The following GNAO1 variants were observed in gnomAD, a reference collection of about 807,000 sequenced individuals.
The protein encoded by GNAO1 is guanine nucleotide-binding protein G(o) subunit alpha.
For missense variants in GNAO1, 166 were observed against 478.7 expected, an observed-to-expected ratio of 0.35 and a Z score of 6.10; for synonymous variants, 164 against 180.7, an observed-to-expected ratio of 0.91 and a Z score of 0.74.
intron 2 of GNAO1, among the ~76,000 whole-genome samples, chr16:56,206,923 TC>T (rs1235160820): frequency 2.0e-5 from 3 of 152,222 alleles, no homozygotes; most frequent in Non-Finnish European, 4.4e-5. Context: ...TGATGTGTGT[TC>T]CTAGTTTTCC....
chr16:56,213,777 C>T (rs144113000), intron 2 of GNAO1, among the ~76,000 whole-genome samples: 319 of 152,182 alleles, frequency 2.1e-3, no homozygotes, highest in African/African-American at 6.9e-3. Flanking sequence ...ACAGAGGCTC[C>T]AAGTCCCGAG....
intron 2 of GNAO1, among the ~76,000 whole-genome samples, chr16:56,255,948 C>CT (rs1463493667): frequency 1.3e-5 from 2 of 152,166 alleles, no homozygotes; most frequent in Non-Finnish European, 1.5e-5. Flanking sequence ...TGTGAGAAAT[C>CT]TTTTAAGTCT....
At chr16:56,281,101 A>G (rs1455366828) in intron 3 of GNAO1, among the ~76,000 whole-genome samples, 4 of 152,026 alleles carry the variant, frequency 2.6e-5, no homozygotes, top group Non-Finnish European at 5.9e-5. Flanking sequence ...AGGCATGGAG[A>G]GGCTAAGTGA....
At chr16:56,193,830 G>T (rs569520872) in intron 2 of GNAO1, 1 of 346,694 alleles carries the variant, frequency 2.9e-6, no homozygotes, top group South Asian at 2.2e-5. Flanking sequence ...GTTTAGCGAA[G>T]ATTCCACGTC....
chr16:56,192,849 C>G (rs1305842810), intron 2 of GNAO1: 1 of 555,334 alleles, frequency 1.8e-6, no homozygotes, highest in Non-Finnish European at 3.2e-6. Context: ...AAGGGGAGCG[C>G]CTGTAGTTGT....
intron 3 of GNAO1, among the ~76,000 whole-genome samples, chr16:56,319,563 C>G (rs2037551448): frequency 6.6e-6 from 1 of 152,158 alleles, no homozygotes; most frequent in African/African-American, 2.4e-5. Context: ...ACCTGCTGCG[C>G]ACCATGGGCT....
Position 56,214,202 on chromosome 16 carries a change from G to A in GNAO1, c.161+21586G>A, listed in dbSNP as rs76647750. On this transcript the variant is annotated intron_variant, in intron 2 of 8. Coordinates refer to ENST00000262493, the MANE Select transcript of GNAO1 (RefSeq NM_020988.3). ...CCTTGCTGGTCTCCTAGTGGAGGAG[G>A]CTCTCATTGCTGGGGCTTCCCGTTG... Among the ~76,000 whole-genome samples the A allele has an allele frequency of 5.2e-3, 789 of 152,304 alleles. 6 individuals carry two copies. Among genetic ancestry groups the A allele is most frequent in the African/African-American group, 0.018 (760 of 41,566 alleles).
At chr16:56,269,058 G>A (rs1443004721) in intron 2 of GNAO1, among the ~76,000 whole-genome samples, 4 of 152,008 alleles carry the variant, frequency 2.6e-5, no homozygotes, top group African/African-American at 4.8e-5. Flanking sequence ...GAAGCACTGG[G>A]CCCTGACCCT....
chr16:56,205,335 T>C (rs536755080), intron 2 of GNAO1, among the ~76,000 whole-genome samples: 1 of 152,318 alleles, frequency 6.6e-6, no homozygotes, highest in East Asian at 1.9e-4. Context: ...CTGAGCTGGC[T>C]GTGTGCAGGA....
chr16:56,249,617 C>T (rs1208120746), intron 2 of GNAO1, among the ~76,000 whole-genome samples: 1 of 152,134 alleles, frequency 6.6e-6, no homozygotes, highest in Admixed American at 6.5e-5. Context: ...GGGCTTAAAC[C>T]ATACCGGAAA....
chr16:56,288,647 G>A (rs1478658736), intron 3 of GNAO1, among the ~76,000 whole-genome samples: 1 of 152,198 alleles, frequency 6.6e-6, no homozygotes, highest in Admixed American at 6.5e-5. Flanking sequence ...GCCAGCGTGG[G>A]GGCCGGTCTT....
intron 3 of GNAO1, among the ~76,000 whole-genome samples, chr16:56,315,836 G>A (rs1413533267): frequency 3.9e-5 from 6 of 152,146 alleles, no homozygotes; most frequent in Admixed American, 6.5e-5. Context: ...GAGGTCAGGA[G>A]TTCGAGACCA....
intron 2 of GNAO1, chr16:56,226,605 G>A (rs2036535205): frequency 6.6e-6 from 1 of 152,188 alleles, no homozygotes; most frequent in African/African-American, 2.4e-5. Context: ...GAAAGATCCT[G>A]GGGCAGTGGC....
intron 2 of GNAO1, among the ~76,000 whole-genome samples, chr16:56,246,038 T>C (rs1339294656): frequency 6.6e-6 from 1 of 152,112 alleles, no homozygotes; most frequent in Non-Finnish European, 1.5e-5. Context: ...GCAGGGCCCC[T>C]GGGTGAATCA....
At chr16:56,340,666 G>A (rs922975719) in intron 6 of GNAO1, 35 of 660,520 alleles carry the variant, frequency 5.3e-5, no homozygotes, top group African/African-American at 2.0e-4. Flanking sequence ...ACCACGTCCC[G>A]TCTGTCCTTG....
At chr16:56,246,316 G>A (rs1339509930) in intron 2 of GNAO1, among the ~76,000 whole-genome samples, 1 of 152,146 alleles carries the variant, frequency 6.6e-6, no homozygotes, top group Non-Finnish European at 1.5e-5. Flanking sequence ...CCCTACTTCA[G>A]CCTCCCAGCT....
intron 2 of GNAO1, among the ~76,000 whole-genome samples, chr16:56,254,872 T>C (rs1297258954): frequency 6.6e-6 from 1 of 152,206 alleles, no homozygotes; most frequent in African/African-American, 2.4e-5. Context: ...CTTTTTCCCT[T>C]AATTCATAAT....
intron 2 of GNAO1, among the ~76,000 whole-genome samples, chr16:56,242,357 A>G (rs2036701412): frequency 6.6e-6 from 1 of 152,258 alleles, no homozygotes; most frequent in Non-Finnish European, 1.5e-5. Context: ...GAGATTCAGA[A>G]TAGCCAAAAC....
At position 56,347,989 on chromosome 16, in the gene GNAO1, C is replaced by A. The variant is rs890932106; in HGVS notation, c.724-3395C>A. 24 of 978,100 alleles carry A rather than the reference C, an allele frequency of 2.5e-5. No homozygotes were observed. The Admixed American group carries it at 3.1e-4, about 13-fold the overall frequency. 60.6% of individuals were successfully genotyped at this position (978,100 alleles called of 1,614,324 possible). A position where few individuals can be genotyped will look rare whatever the true frequency, so the allele number is the denominator to read the frequency against. ...CCCATCTAGGCGAGGTGGGCTCGGG[C>A]GTCCCAGGCCCTCCTTAGAAAAGCC... On this transcript the variant is annotated intron_variant, in intron 6 of 8. Coordinates refer to ENST00000262493, the MANE Select transcript of GNAO1 (RefSeq NM_020988.3).
Sources: gnomAD v4.1 joint callset for allele counts (sites outside exome capture counted in the v4.1 genomes callset) on GRCh38, gnomAD v4.1.1 for gene constraint, MANE v1.5 for transcripts, NCBI Gene and HGNC (gene_info 2026-07-23, HGNC 2026-07-21) for gene names.